BTAF1: variants seen among roughly 807,000 people sequenced by gnomAD.
BTAF1 encodes the protein B-TFIID TATA-box binding protein associated factor 1.
In BTAF1, 38 loss-of-function variants were observed where a neutral mutation model predicts 227.1. That is an observed-to-expected ratio of 0.17 (90% confidence interval 0.13 to 0.22). The LOEUF is 0.22. Ranked by LOEUF, BTAF1 falls within the 10% of genes least tolerant of loss-of-function variation. The pLI, the probability that BTAF1 is intolerant of heterozygous loss-of-function variation, is 1.00. For synonymous variants in BTAF1, 742 were observed against 751.9 expected (o/e 0.99, Z 0.21); for missense variants, 1,598 against 2,204.0 (o/e 0.73, Z 5.51).
chr10:91,963,642 A>G (rs549125834), intron 12 of BTAF1, among the ~76,000 whole-genome samples: 1 of 152,276 alleles, frequency 6.6e-6, no homozygotes, highest in African/African-American at 2.4e-5. Flanking sequence ...AAATCAGAAC[A>G]CAAAGTTAGA....
In BTAF1 at chr10:91,990,985, G is replaced by A. The variant is rs559026797; in HGVS notation, c.2855-1134G>A. Reference sequence around the variant, plus strand: ...AATTAGGCTGGGTGCAGTGGCTCACGCCTGTAATCCCAGCACTTTGGGAGG... The same window carrying A: ...AATTAGGCTGGGTGCAGTGGCTCACACCTGTAATCCCAGCACTTTGGGAGG... On this transcript the variant is annotated intron_variant, in intron 20 of 37. Coordinates refer to ENST00000265990, the MANE Select transcript of BTAF1 (RefSeq NM_003972.3). Among the ~76,000 whole-genome samples, 500 of 151,842 alleles carry A rather than the reference G, an allele frequency of 3.3e-3. 2 individuals carry two copies. The highest frequency in any genetic ancestry group is 4.3e-3 in the Non-Finnish European group (291 of 67,938).
intron 1 of BTAF1, among the ~76,000 whole-genome samples, chr10:91,925,514 C>CTTTTTTTTTTTTTT (rs1429217189): frequency 1.4e-5 from 1 of 69,032 alleles, no homozygotes; most frequent in Non-Finnish European, 4.3e-5. Context: ...CAACGCTAAT[C>CTTTTTTTTTTTTTT]TCTTTTTTTT....
At chr10:91,927,812 A>G (rs1282533352) in intron 1 of BTAF1, among the ~76,000 whole-genome samples, 3 of 152,188 alleles carry the variant, frequency 2.0e-5, no homozygotes, top group Non-Finnish European at 2.9e-5. Context: ...TGTGGAAGCA[A>G]GTCAAGTAAC....
rs1487073804 is a variant in BTAF1, at chr10:91,948,858, G to A, written c.401-2545G>A. 2.6e-5 allele frequency among the ~76,000 whole-genome samples: 4 copies of A among 152,128 alleles called. No homozygotes were observed. The East Asian group carries it at 7.7e-4, about 29-fold the overall frequency. ...ACTCCTGGGCTGAAGCAATCCTCCTGCCTCGGCCTCCCAGACGGTTGGGAT... is the reference window on the plus strand; with the variant it reads ...ACTCCTGGGCTGAAGCAATCCTCCTACCTCGGCCTCCCAGACGGTTGGGAT... On this transcript the variant is annotated intron_variant, in intron 4 of 37. Transcript: ENST00000265990.
intron 20 of BTAF1, among the ~76,000 whole-genome samples, chr10:91,991,244 T>C (rs1281583658): frequency 7.3e-5 from 6 of 82,498 alleles, no homozygotes; most frequent in Non-Finnish European, 1.2e-4. Context: ...AGACTCCGTC[T>C]CAAAAAAATA....
chr10:91,947,760 C>T (rs1845478793), intron 4 of BTAF1, among the ~76,000 whole-genome samples: 1 of 139,188 alleles, frequency 7.2e-6, no homozygotes, highest in East Asian at 2.0e-4. Context: ...AAAAAAAAGC[C>T]AGCTGGGATT....
intron 13 of BTAF1, among the ~76,000 whole-genome samples, chr10:91,966,144 A>G (rs935275219): frequency 2.0e-5 from 3 of 152,228 alleles, no homozygotes; most frequent in African/African-American, 7.2e-5. Context: ...AGGATAATAA[A>G]TGTCAAAGTT....
In BTAF1 at chr10:91,951,756, C is replaced by T. The variant is rs183711070; in HGVS notation, c.564+190C>T. Among the ~76,000 whole-genome samples the T allele has an allele frequency of 1.7e-4, 26 of 152,248 alleles. No homozygotes were observed. In the East Asian group the frequency reaches 4.8e-3, roughly 28 times the overall value. ...GATTCTATAGAGTTAGAAGCTCAAC[C>T]TACCTCCCAGACACTGGACTGTTAA... On this transcript the variant is annotated intron_variant, in intron 5 of 37. Transcript: ENST00000265990.
rs553433058 is a variant in BTAF1, at chr10:91,967,832, A to C, written c.1650+1075A>C. On this transcript the variant is annotated intron_variant, in intron 14 of 37. Coordinates refer to ENST00000265990, the MANE Select transcript of BTAF1 (RefSeq NM_003972.3). ...AATTCATTTTATGTAGACCCTTTGA[A>C]GTTACCAAATTTTTTATCTTCATAT... 7.2e-5 allele frequency among the ~76,000 whole-genome samples: 11 copies of C among 152,252 alleles called. No homozygotes were observed. The South Asian group carries it at 2.1e-3, about 29-fold the overall frequency.
intron 30 of BTAF1, among the ~76,000 whole-genome samples, chr10:92,013,256 G>A (rs1850493282): frequency 6.6e-6 from 1 of 152,196 alleles, no homozygotes; most frequent in African/African-American, 2.4e-5. Flanking sequence ...TACTGAGTGG[G>A]CTTGACTTAT....
At chr10:91,978,208 A>T (rs2676817) in intron 14 of BTAF1, among the ~76,000 whole-genome samples, 45,922 of 152,056 alleles carry the variant, frequency 0.3, 8,519 homozygotes, top group South Asian at 0.52. Flanking sequence ...ATAAAGTAGA[A>T]TTTAGTAGAG....
In BTAF1 at chr10:91,989,308, C is replaced by A; in HGVS notation, c.2582C>A (p.Ala861Asp). 1 of 1,614,090 alleles carries A rather than the reference C, an allele frequency of 6.2e-7. No individual in the cohort carries two copies. The change falls in exon 20 of 38, where the codon GCC becomes GAC. Residue 861 changes from alanine to aspartate, a missense_variant. This residue lies in a region of BTAF1 where 425 missense variants were observed against 491.2 expected (regional missense o/e 0.87). Coordinates refer to ENST00000265990, the MANE Select transcript of BTAF1 (RefSeq NM_003972.3). ...CAGTTGAGAGTGCATACTTTTGCTG[C>A]CTGTGCAGTTGTGAGCTTGCAGCAG... ...VLQLRVHTFAACAVVSLQQLP... is the reference protein window; with the variant it reads ...VLQLRVHTFADCAVVSLQQLP...
Position 91,923,868 on chromosome 10 carries a change from T to G in BTAF1, c.-209T>G, listed in dbSNP as rs1843646235. 1 of 506,600 alleles carries G rather than the reference T, an allele frequency of 2.0e-6. No homozygotes were observed. Among genetic ancestry groups the G allele is most frequent in the South Asian group, 3.0e-5 (1 of 32,900 alleles). 31.4% of individuals were successfully genotyped at this position (506,600 alleles called of 1,614,324 possible). ...AGGACTGCCGCCTCCGCTACCGTCT[T>G]GGACCCCTGCTTACCGGCCGCCGCG... On this transcript the variant is annotated 5_prime_UTR_variant, in exon 1 of 38. Transcript: ENST00000265990.
chr10:91,980,883 T>TG (rs1306483520), intron 15 of BTAF1, among the ~76,000 whole-genome samples: 3 of 152,212 alleles, frequency 2.0e-5, no homozygotes, highest in Non-Finnish European at 2.9e-5. Context: ...TTATAGATCC[T>TG]GCAAAGTATC....
Position 92,026,667 on chromosome 10 carries a change from C to G in BTAF1, c.5151C>G (p.Gly1717=). Residue 1717 remains glycine, a synonymous_variant, in exon 36 of 38, where the codon GGC becomes GGG. Transcript: ENST00000265990. ...HVGGLGLNLT[G]ADTVVFVEHD... is the part of the protein sequence containing the mutation. ...GTGGCCTGGGACTTAATTTGACAGG[C>G]GCTGACACAGTAGTATTTGTGGAGC... 1 of 1,613,874 alleles carries G rather than the reference C, an allele frequency of 6.2e-7. No homozygotes were observed. The highest frequency in any genetic ancestry group is 8.5e-7 in the Non-Finnish European group (1 of 1,179,932).
At chr10:91,954,758 A>C (rs768387064) in intron 6 of BTAF1, among the ~76,000 whole-genome samples, 3 of 152,038 alleles carry the variant, frequency 2.0e-5, no homozygotes, top group Admixed American at 6.5e-5. Context: ...AGGTCTTCCT[A>C]TGTTGCCTAG....
chr10:91,998,582 CAGAA>C (rs1206431100), intron 25 of BTAF1, among the ~76,000 whole-genome samples: 7 of 152,050 alleles, frequency 4.6e-5, no homozygotes, highest in Admixed American at 3.9e-4. Context: ...GCTTGAAACA[CAGAA>C]AGAGCCAGGA....
At chr10:92,025,528 T>C (rs2995546) in intron 35 of BTAF1, among the ~76,000 whole-genome samples, 48,133 of 151,694 alleles carry the variant, frequency 0.32, 8,774 homozygotes, top group South Asian at 0.52. Context: ...GCATCCCAGC[T>C]GAGCGCGGTG....
rs1181129954 is a variant in BTAF1 at position 91,997,695 on chromosome 10, G to C, written c.3604G>C (p.Val1202Leu). Residue 1202 changes from valine to leucine, a missense_variant, in exon 25 of 38, where the codon GTG (valine) becomes CTG (leucine). Coordinates refer to ENST00000265990, the MANE Select transcript of BTAF1 (RefSeq NM_003972.3). ...AAGAATGAGTGATCAGACAGACAGT[G>C]TGAGATTCATGGCCACGCAGTGCTT... ...LGRMSDQTDS[V>L]RFMATQCFAT... The C allele has an allele frequency of 6.2e-7, 1 of 1,613,966 alleles. No individual in the cohort carries two copies. The highest frequency in any genetic ancestry group is 8.5e-7 in the Non-Finnish European group (1 of 1,180,004).
Sources: allele counts gnomAD v4.1 joint callset (sites outside exome capture counted in the v4.1 genomes callset), GRCh38; gene constraint gnomAD v4.1.1; regional missense constraint gnomAD v4.1.1; transcripts MANE v1.5; gene names NCBI Gene and HGNC (gene_info 2026-07-23, HGNC 2026-07-21).